FANCM: variants seen among roughly 807,000 people sequenced by gnomAD.
FANCM encodes the protein FA complementation group M.
A neutral mutation model predicts 199.5 loss-of-function variants in FANCM; 140 were observed. The ratio of observed to expected loss-of-function variants is 0.70; its 90% CI spans 0.61 to 0.81. FANCM has a LOEUF of 0.81. Ranked by LOEUF, FANCM falls within the 30% of genes least tolerant of loss-of-function variation. The pLI is 0.00. For missense variants in FANCM, 2,410 were observed against 2,421.4 expected (o/e 1.00, Z 0.10); for synonymous variants, 840 against 836.8 (o/e 1.00, Z -0.07).
chr14:45,164,694 T>C (rs1887842895), intron 10 of FANCM, 129 bp downstream of exon 10: 1 of 729,608 alleles, frequency 1.4e-6, no homozygotes, highest in African/African-American at 1.8e-5. Context: ...TTTCCCCCAC[T>C]TTGTATTGGA....
chr14:45,136,066 G>C lies in FANCM; in HGVS notation c.35G>C (p.Trp12Ser), dbSNP rs1265187815. The C allele has an allele frequency of 6.2e-7, 1 of 1,613,720 alleles. No homozygotes were observed. The highest frequency in any genetic ancestry group is 1.3e-5 in the African/African-American group (1 of 74,918). The change falls in exon 1 of 23, where the codon TGG becomes TCG. Residue 12 changes from tryptophan to serine, a missense_variant. By Grantham distance (177) the Trp-to-Ser change is radical. Coordinates refer to ENST00000267430, the MANE Select transcript of FANCM (RefSeq NM_020937.4). Reference protein sequence around the residue: ...SGRQRTLFQTWGSSISRSSGT... With the variant: ...SGRQRTLFQTSGSSISRSSGT... Reference sequence around the variant, plus strand: ...CGGCAAAGAACGCTTTTTCAGACGTGGGGCTCAAGTATCTCCCGATCATCT... The same window carrying C: ...CGGCAAAGAACGCTTTTTCAGACGTCGGGCTCAAGTATCTCCCGATCATCT...
rs572890751 is a variant in FANCM at position 45,181,671 on chromosome 14, A to G, written c.4352A>G (p.His1451Arg). ...QKNSEVDSPL[H>R]AVKKRRFPIN... ...AATAGTGAAGTTGATTCTCCACTTC[A>G]TGCTGTCAAAAAGCGCAGATTTCCT... The change falls in exon 16 of 23, where the codon CAT becomes CGT. Residue 1451 changes from histidine to arginine, a missense_variant. His to Arg is a conservative substitution (Grantham distance 29). Coordinates refer to ENST00000267430, the MANE Select transcript of FANCM (RefSeq NM_020937.4). 65 of 1,611,632 alleles carry G rather than the reference A, an allele frequency of 4.0e-5. No individual in the cohort carries two copies. The Admixed American group carries it at 5.2e-4, about 13-fold the overall frequency.
At chr14:45,194,939 G>A (rs967558971) in intron 20 of FANCM, among the ~76,000 whole-genome samples, 2 of 151,904 alleles carry the variant, frequency 1.3e-5, no homozygotes, top group Admixed American at 1.3e-4. Context: ...AGTAGAGACA[G>A]GGTTTCACCA....
chr14:45,170,501 G>C, intron 11 of FANCM, 88 bp from the exon 12 acceptor site: 1 of 930,956 alleles, frequency 1.1e-6, no homozygotes, highest in Non-Finnish European at 1.7e-6. Context: ...ACTCCAACCT[G>C]GGTGACAGAG....
At position 45,199,981 on chromosome 14, in the gene FANCM, C is replaced by G; in HGVS notation, c.6120C>G (p.Asn2040Lys). 6.2e-7 allele frequency: 1 copy of G among 1,608,812 alleles called. No individual in the cohort carries two copies. The highest frequency in any genetic ancestry group is 8.5e-7 in the Non-Finnish European group (1 of 1,176,072). The change falls in exon 23 of 23, where the codon AAC becomes AAG. Residue 2040 changes from asparagine to lysine, a missense_variant. Transcript: ENST00000267430. Reference protein sequence around the residue: ...FDIQMLPNDLNQDRLKSDI With the variant: ...FDIQMLPNDLKQDRLKSDI ...TACAAATGTTACCAAATGATCTTAA[C>G]CAAGATAGACTGAAATCTGATATAT... is the stretch of plus-strand genomic sequence containing the variant.
At chr14:45,153,098 GA>G (rs1333463475) in intron 5 of FANCM, among the ~76,000 whole-genome samples, 3 of 152,078 alleles carry the variant, frequency 2.0e-5, no homozygotes, top group African/African-American at 4.8e-5. Context: ...CATCTCAAAG[GA>G]AAATAATTAG....
rs1000806466 is a variant in FANCM, at chr14:45,175,675, A to G, written c.2921A>G (p.Asp974Gly). 6.2e-7 allele frequency: 1 copy of G among 1,613,574 alleles called. No individual in the cohort carries two copies. The highest frequency in any genetic ancestry group is 8.5e-7 in the Non-Finnish European group (1 of 1,179,626). ...EEELYIVRTD[D>G]QFYNCHSLTK... ...GAGCTTTATATTGTTAGAACAGATG[A>G]CCAATTTTATAATTGTCACTCATTG... is the stretch of plus-strand genomic sequence containing the variant. The change falls in exon 14 of 23, where the codon GAC (aspartate) becomes GGC (glycine). Residue 974 changes from aspartate (D) to glycine (G), a missense_variant. Coordinates refer to ENST00000267430, the MANE Select transcript of FANCM (RefSeq NM_020937.4).
At chr14:45,154,933 A>C (rs986556384) in intron 7 of FANCM, 111 bp downstream of exon 7, 7 of 785,634 alleles carry the variant, frequency 8.9e-6, no homozygotes, top group Non-Finnish European at 1.3e-5. Flanking sequence ...ATTTTGTAGC[A>C]ACAGATCTGT....
At chr14:45,151,273 TAAAC>T in intron 4 of FANCM, 120 bp from the exon 5 acceptor site, 3 of 772,426 alleles carry the variant, frequency 3.9e-6, no homozygotes, top group Non-Finnish European at 6.4e-6. Context: ...TGAGTTTACT[TAAAC>T]ATTCATTGTA....
intron 19 of FANCM, 137 bp from the exon 20 acceptor site, chr14:45,188,665 G>A (rs1033265112): frequency 1.3e-5 from 9 of 673,806 alleles, no homozygotes; most frequent in Middle Eastern, 4.1e-4. Context: ...CTTAGTTTAT[G>A]TTAGTTGAGT....
chr14:45,196,331 A>T lies in FANCM; in HGVS notation c.5500A>T (p.Ile1834Phe). 6.2e-7 allele frequency: 1 copy of T among 1,614,120 alleles called. No individual in the cohort carries two copies. The highest frequency in any genetic ancestry group is 8.5e-7 in the Non-Finnish European group (1 of 1,180,004). The part of the protein sequence containing the change: ...GHEITSGLEV[I>F]SSLRAIHGLQ... ...TGAAATCACTTCTGGATTAGAAGTA[A>T]TTTCTTCCCTAAGAGCAATTCATGG... Residue 1834 changes from isoleucine to phenylalanine, a missense_variant, in exon 21 of 23, where the codon ATT (isoleucine) becomes TTT (phenylalanine). Physicochemically the swap from Ile to Phe is conservative, Grantham distance 21 (BLOSUM62 0). Coordinates refer to ENST00000267430, the MANE Select transcript of FANCM (RefSeq NM_020937.4).
At chr14:45,151,793 A>G (rs1886836118) in intron 5 of FANCM, among the ~76,000 whole-genome samples, 1 of 151,342 alleles carries the variant, frequency 6.6e-6, no homozygotes, top group African/African-American at 2.4e-5. Flanking sequence ...GTGTGGTGGT[A>G]TGTACCTACT....
chr14:45,168,289 C>T (rs540553492), intron 11 of FANCM, among the ~76,000 whole-genome samples: 3 of 151,994 alleles, frequency 2.0e-5, no homozygotes, highest in Admixed American at 2.0e-4. Flanking sequence ...TAGGAACATA[C>T]CTGTCATTTT....
At chr14:45,140,422 A>G (rs958112314) in intron 2 of FANCM, among the ~76,000 whole-genome samples, 11 of 152,214 alleles carry the variant, frequency 7.2e-5, no homozygotes, top group Admixed American at 1.3e-4. Context: ...TTTCTGTAGA[A>G]GAAGCCCTAC....
At chr14:45,188,704 A>G in intron 19 of FANCM, 98 bp from the exon 20 acceptor site, 1 of 888,954 alleles carries the variant, frequency 1.1e-6, no homozygotes, top group Non-Finnish European at 1.8e-6. Context: ...AGTAAATTAA[A>G]CAAATATTAA....
chr14:45,147,876 G>A (rs908348500), intron 3 of FANCM, among the ~76,000 whole-genome samples: 1 of 145,306 alleles, frequency 6.9e-6, no homozygotes, highest in Admixed American at 7.0e-5. Flanking sequence ...CAGCCTGGGC[G>A]ACAGAGGGAG....
In FANCM at chr14:45,189,001, C is replaced by T. The variant is rs547959452; in HGVS notation, c.4979C>T (p.Ser1660Leu). The T allele has an allele frequency of 6.2e-7, 1 of 1,613,718 alleles. No homozygotes were observed. Among genetic ancestry groups the T allele is most frequent in the South Asian group, 1.1e-5 (1 of 91,062 alleles). Residue 1660 changes from serine to leucine, a missense_variant, in exon 20 of 23, where the codon TCA becomes TTA. Transcript: ENST00000267430. ...KEMMEQNCAH[S>L]KKKLSRIILP... Reference sequence around the variant, plus strand: ...ATGATGGAACAAAATTGTGCACATTCAAAAAAGAAATTATCCAGAATTATT... The same window carrying T: ...ATGATGGAACAAAATTGTGCACATTTAAAAAAGAAATTATCCAGAATTATT...
At chr14:45,177,830 G>A (rs1047586552) in intron 14 of FANCM, among the ~76,000 whole-genome samples, 3 of 152,166 alleles carry the variant, frequency 2.0e-5, no homozygotes, top group Admixed American at 2.0e-4. Flanking sequence ...GTATGATTTT[G>A]GGAGATAGTT....
intron 11 of FANCM, 123 bp downstream of exon 11, chr14:45,167,286 A>T (rs1888053101): frequency 1.4e-6 from 1 of 701,414 alleles, no homozygotes; most frequent in African/African-American, 1.8e-5. Context: ...TATTATAGGC[A>T]TTCTCTTTGG....
Sources: gnomAD v4.1 joint callset for allele counts (sites outside exome capture counted in the v4.1 genomes callset) on GRCh38, gnomAD v4.1.1 for gene constraint, MANE v1.5 for transcripts, NCBI Gene and HGNC (gene_info 2026-07-23, HGNC 2026-07-21) for gene names.